Variants in ZNF469 observed in about 807,000 individuals in gnomAD.
ZNF469 encodes the protein zinc finger protein 469.
ZNF469 carries 1 observed loss-of-function variant against 1.0 expected under a neutral mutation model. The ratio of observed to expected loss-of-function variants is 1.00; its 90% CI spans 0.35 to 4.73. The LOEUF (loss-of-function observed/expected upper bound fraction) is 4.73, where lower values mean the gene tolerates loss of function less well. Among genes scored for constraint, ZNF469 ranks in the 30% most tolerant of loss-of-function variants. ZNF469 has a pLI of 0.16. For missense variants in ZNF469, 6,100 were observed against 5,356.3 expected, an observed-to-expected ratio of 1.14 and a Z score of -4.33; for synonymous variants, 2,703 against 2,363.4, an observed-to-expected ratio of 1.14 and a Z score of -4.17.
At chr16:88,400,368 A>G (rs1323483382) in intron 1 of ZNF469, among the ~76,000 whole-genome samples, 2 of 152,184 alleles carry the variant, frequency 1.3e-5, no homozygotes, top group Non-Finnish European at 2.9e-5. Context: ...TACCAGGACA[A>G]CGGCTCCATT....
the ZNF469 span, among the ~76,000 whole-genome samples, chr16:88,249,078 T>G: frequency 6.6e-6 from 1 of 151,952 alleles, no homozygotes; most frequent in African/African-American, 2.4e-5. Context: ...TAACCCCACA[T>G]CCATTGCTGA....
At chr16:88,129,844 G>A in the ZNF469 span, among the ~76,000 whole-genome samples, 1 of 152,234 alleles carries the variant, frequency 6.6e-6, no homozygotes, top group African/African-American at 2.4e-5. Context: ...CTGGGCCACA[G>A]AGCGAGACTC....
the ZNF469 span, among the ~76,000 whole-genome samples, chr16:88,180,106 A>G: frequency 8.6e-6 from 1 of 115,910 alleles, no homozygotes; most frequent in Non-Finnish European, 2.0e-5. Flanking sequence ...TCACTTTCTT[A>G]ATAAATTGGC....
rs143722366 is a variant in ZNF469 at position 88,396,729 on chromosome 16, G to A, written c.-192+13475G>A. ...ATGGAAACCCTCCTGAAGGGAGGCC[G>A]GGAGGAGACCCTCATAAAGGGAGGC... On this transcript the variant is annotated intron_variant, in intron 1 of 2. Coordinates refer to ENST00000565624, the MANE Select transcript of ZNF469 (RefSeq NM_001367624.2). Among the ~76,000 whole-genome samples, 281 of 141,206 alleles carry A rather than the reference G, an allele frequency of 2.0e-3. 3 individuals carry two copies. Among genetic ancestry groups the A allele is most frequent in the African/African-American group, 6.8e-3 (257 of 37,616 alleles). The allele number at this position is 141,206 out of a possible 152,430, so 92.6% of individuals were successfully genotyped here. A position where few individuals can be genotyped will look rare whatever the true frequency, so the allele number is the denominator to read the frequency against.
the ZNF469 span, among the ~76,000 whole-genome samples, chr16:88,112,220 T>C: frequency 6.6e-6 from 1 of 152,196 alleles, no homozygotes; most frequent in African/African-American, 2.4e-5. Context: ...GGTGGATCCC[T>C]TGAGGTCAGG....
chr16:88,183,418 G>C, the ZNF469 span, among the ~76,000 whole-genome samples: 6 of 152,352 alleles, frequency 3.9e-5, no homozygotes, highest in South Asian at 1.2e-3. Flanking sequence ...GAGCAACTGT[G>C]TACCTCCACC....
At chr16:88,158,721 G>C in the ZNF469 span, among the ~76,000 whole-genome samples, 398 of 152,332 alleles carry the variant, frequency 2.6e-3, 1 homozygote, top group African/African-American at 8.6e-3. Flanking sequence ...TTCTAAAGTG[G>C]ATCTGTGGCC....
the ZNF469 span, among the ~76,000 whole-genome samples, chr16:88,244,255 G>A: frequency 6.6e-6 from 1 of 150,758 alleles, no homozygotes; most frequent in Non-Finnish European, 1.5e-5. Context: ...GAGGGTGAAT[G>A]CATACATGGA....
rs1315606351 is a variant in ZNF469 at position 88,436,820 on chromosome 16, G to T, written c.9350G>T (p.Cys3117Phe). 1 of 1,539,134 alleles carries T rather than the reference G, an allele frequency of 6.5e-7. No individual in the cohort carries two copies. Residue 3117 changes from cysteine to phenylalanine, a missense_variant, in exon 3 of 3, where the codon TGC becomes TTC. Coordinates refer to ENST00000565624, the MANE Select transcript of ZNF469 (RefSeq NM_001367624.2). ...AAGGGCAGGCGGGCCTCCTACAAGTGCAAAGTGTGCTTCCAGCGCTTCCGC... is the reference window on the plus strand; with the variant it reads ...AAGGGCAGGCGGGCCTCCTACAAGTTCAAAGTGTGCTTCCAGCGCTTCCGC... ...PAKGRRASYK[C>F]KVCFQRFRSL...
the ZNF469 span, among the ~76,000 whole-genome samples, chr16:88,243,034 A>G: frequency 1.8e-4 from 28 of 152,188 alleles, no homozygotes; most frequent in African/African-American, 5.8e-4. Flanking sequence ...AGTGTCTCCA[A>G]ACTCACTGCT....
chr16:88,123,735 C>G, the ZNF469 span, among the ~76,000 whole-genome samples: 1 of 152,160 alleles, frequency 6.6e-6, no homozygotes, highest in Non-Finnish European at 1.5e-5. Flanking sequence ...TTTCTAGTGA[C>G]TAATGATTTT....
chr16:88,255,681 C>T, the ZNF469 span, among the ~76,000 whole-genome samples: 21 of 152,328 alleles, frequency 1.4e-4, 1 homozygote, highest in Middle Eastern at 6.8e-3. Flanking sequence ...CCTCAACAGT[C>T]CGAGACAGGT....
At chr16:88,145,122 G>C in the ZNF469 span, among the ~76,000 whole-genome samples, 1 of 151,732 alleles carries the variant, frequency 6.6e-6, no homozygotes, top group South Asian at 2.1e-4. Flanking sequence ...ACAGGCATGA[G>C]CCACTGCACC....
chr16:88,404,260 G>C (rs530351068), intron 1 of ZNF469, among the ~76,000 whole-genome samples: 1 of 152,326 alleles, frequency 6.6e-6, no homozygotes, highest in South Asian at 2.1e-4. Context: ...GCTTATTCTT[G>C]CTGTGCTTTT....
At chr16:88,131,199 G>T in the ZNF469 span, among the ~76,000 whole-genome samples, 1 of 152,260 alleles carries the variant, frequency 6.6e-6, no homozygotes, top group East Asian at 1.9e-4. Context: ...TCCGTGTCGA[G>T]TAAGGCGCAG....
At chr16:88,119,264 C>G in the ZNF469 span, among the ~76,000 whole-genome samples, 1 of 152,206 alleles carries the variant, frequency 6.6e-6, no homozygotes, top group East Asian at 1.9e-4. Flanking sequence ...CTGAAATTCA[C>G]TATTTCATGA....
the ZNF469 span, among the ~76,000 whole-genome samples, chr16:88,173,874 A>T: frequency 6.6e-6 from 1 of 152,208 alleles, no homozygotes. Flanking sequence ...GATAAAAGAG[A>T]ATCATTAAAA....
the ZNF469 span, among the ~76,000 whole-genome samples, chr16:88,119,864 G>C: frequency 7.2e-5 from 11 of 152,336 alleles, no homozygotes; most frequent in African/African-American, 2.6e-4. Context: ...TCTGGTTTTT[G>C]TCCTGCCCAC....
At chr16:88,144,435 C>T in the ZNF469 span, among the ~76,000 whole-genome samples, 1,962 of 152,288 alleles carry the variant, frequency 0.013, 35 homozygotes, top group African/African-American at 0.044. Flanking sequence ...ACGCCAGCTG[C>T]CTCTGCCCTG....
Sources: gnomAD v4.1 joint callset for allele counts (sites outside exome capture counted in the v4.1 genomes callset) on GRCh38, gnomAD v4.1.1 for gene constraint, MANE v1.5 for transcripts, NCBI Gene and HGNC (gene_info 2026-07-23, HGNC 2026-07-21) for gene names.